PRKN: variants seen among roughly 807,000 people sequenced by gnomAD.
The protein encoded by PRKN is parkin RBR E3 ubiquitin protein ligase.
A neutral mutation model predicts 59.5 loss-of-function variants in PRKN; 56 were observed. That is an observed-to-expected ratio of 0.94 (90% confidence interval 0.76 to 1.18). The LOEUF (loss-of-function observed/expected upper bound fraction) is 1.18, where lower values mean the gene tolerates loss of function less well. PRKN is among the 50% of genes most tolerant of loss of function. The probability of loss-of-function intolerance (pLI) is 0.00; values close to 1 mark genes in which losing one functional copy is unlikely to be tolerated. For missense variants in PRKN, 657 were observed against 596.4 expected, an observed-to-expected ratio of 1.10 and a Z score of -1.06; for synonymous variants, 250 against 222.1, an observed-to-expected ratio of 1.13 and a Z score of -1.12.
intron 9 of PRKN, among the ~76,000 whole-genome samples, chr6:161,517,765 A>AAAAAG (rs1562499845): frequency 7.0e-6 from 1 of 143,820 alleles, no homozygotes; most frequent in Non-Finnish European, 1.5e-5. Context: ...AAAAAAAAAA[A>AAAAAG]GAGTTGAGGT....
At chr6:161,555,832 A>G (rs1780217253) in intron 8 of PRKN, among the ~76,000 whole-genome samples, 1 of 152,234 alleles carries the variant, frequency 6.6e-6, no homozygotes, top group Non-Finnish European at 1.5e-5. Flanking sequence ...AATAAAATCT[A>G]ACTCCATTAA....
At chr6:161,779,645 A>T (rs989188632) in intron 7 of PRKN, among the ~76,000 whole-genome samples, 1 of 151,462 alleles carries the variant, frequency 6.6e-6, no homozygotes, top group Non-Finnish European at 1.5e-5. Context: ...GGGTTTCATC[A>T]TGTTGGCCTG....
intron 1 of PRKN, among the ~76,000 whole-genome samples, chr6:162,504,069 CAG>C (rs36042317): frequency 0.045 from 6,735 of 150,692 alleles, 378 homozygotes; most frequent in African/African-American, 0.14. Flanking sequence ...AGAGAGGACA[CAG>C]AGAGAGAGAG....
At chr6:162,315,153 G>C (rs1157221650) in intron 2 of PRKN, among the ~76,000 whole-genome samples, 1 of 152,060 alleles carries the variant, frequency 6.6e-6, no homozygotes, top group Non-Finnish European at 1.5e-5. Context: ...ACAAACAAAT[G>C]AAGTGTGTAT....
At chr6:162,310,819 A>G (rs1322851097) in intron 2 of PRKN, among the ~76,000 whole-genome samples, 2 of 140,948 alleles carry the variant, frequency 1.4e-5, no homozygotes, top group East Asian at 1.9e-4. Context: ...TTTATGTACA[A>G]TTTTTAAAAA....
At chr6:162,140,339 G>C (rs1160441445) in intron 4 of PRKN, among the ~76,000 whole-genome samples, 2 of 152,122 alleles carry the variant, frequency 1.3e-5, no homozygotes, top group East Asian at 1.9e-4. Flanking sequence ...GCAAACACAC[G>C]ACTCTTTCAA....
At chr6:162,068,672 T>G (rs906410345) in intron 4 of PRKN, among the ~76,000 whole-genome samples, 3 of 152,132 alleles carry the variant, frequency 2.0e-5, no homozygotes, top group Non-Finnish European at 4.4e-5. Flanking sequence ...AAGGAGAGGG[T>G]CTGCTCCAGT....
At chr6:162,505,711 G>A (rs539548230) in intron 1 of PRKN, among the ~76,000 whole-genome samples, 1 of 152,288 alleles carries the variant, frequency 6.6e-6, no homozygotes, top group East Asian at 1.9e-4. Context: ...AGGGGTAATA[G>A]AAATAGAAGG....
At chr6:162,606,662 G>A (rs9365474) in intron 1 of PRKN, among the ~76,000 whole-genome samples, 1 of 152,276 alleles carries the variant, frequency 6.6e-6, no homozygotes, top group East Asian at 1.9e-4. Flanking sequence ...ATTTGATATT[G>A]ACATGAGGAA....
At chr6:161,441,419 C>G (rs915700344) in intron 9 of PRKN, among the ~76,000 whole-genome samples, 1 of 151,774 alleles carries the variant, frequency 6.6e-6, no homozygotes, top group African/African-American at 2.4e-5. Flanking sequence ...CCAAGGCGGG[C>G]GGATCACTTG....
At chr6:162,226,615 T>A (rs1022130565) in intron 3 of PRKN, among the ~76,000 whole-genome samples, 2 of 152,114 alleles carry the variant, frequency 1.3e-5, no homozygotes, top group East Asian at 3.9e-4. Flanking sequence ...CTTACTGCAA[T>A]CTCCGCCTCC....
intron 6 of PRKN, among the ~76,000 whole-genome samples, chr6:161,936,830 G>A (rs1779376631): frequency 6.6e-6 from 1 of 150,774 alleles, no homozygotes; most frequent in South Asian, 2.1e-4. Context: ...CTGTCACCCA[G>A]GCTGAAGTGC....
chr6:161,880,277 G>A (rs898324061), intron 6 of PRKN, among the ~76,000 whole-genome samples: 2 of 152,078 alleles, frequency 1.3e-5, no homozygotes, highest in Non-Finnish European at 2.9e-5. Flanking sequence ...TTCCATGTTC[G>A]ATAACATGTG....
chr6:162,307,400 TA>T (rs545669121), intron 2 of PRKN, among the ~76,000 whole-genome samples: 1,026 of 75,474 alleles, frequency 0.014, 9 homozygotes, highest in African/African-American at 0.042. Flanking sequence ...ACCGTCTCAA[TA>T]AAAAAAAAAA....
chr6:162,535,442 T>C (rs570796702), intron 1 of PRKN, among the ~76,000 whole-genome samples: 1 of 152,278 alleles, frequency 6.6e-6, no homozygotes, highest in African/African-American at 2.4e-5. Context: ...ACATATATAA[T>C]GACCTCATGC....
At chr6:162,197,326 G>A (rs1784534424) in intron 4 of PRKN, among the ~76,000 whole-genome samples, 2 of 152,114 alleles carry the variant, frequency 1.3e-5, no homozygotes, top group South Asian at 4.1e-4. Context: ...TACTGAATGT[G>A]TATTTTTGTT....
chr6:161,540,964 A>G (rs989591545), intron 9 of PRKN, among the ~76,000 whole-genome samples: 2 of 152,166 alleles, frequency 1.3e-5, no homozygotes, highest in African/African-American at 4.8e-5. Flanking sequence ...ATGCTGCTCT[A>G]TATTTTTGTA....
At position 161,561,616 on chromosome 6, in the gene PRKN, G is replaced by A. The variant is rs1337678151; in HGVS notation, c.933+7739C>T. On this transcript the variant is annotated intron_variant, in intron 8 of 11. Transcript: ENST00000366898. This position sits in a 1 kb window ranked among gnomAD's most constrained non-coding sequence, Gnocchi z 5.0. ...AGCCCCTCTCACAACACAAAAAGTG[G>A]CCTTCCTCCTGTTAGGGGCCGATTC... 6.6e-6 allele frequency among the ~76,000 whole-genome samples: 1 copy of A among 152,100 alleles called. No individual in the cohort carries two copies. Among genetic ancestry groups the A allele is most frequent in the Non-Finnish European group, 1.5e-5 (1 of 68,014 alleles).
At position 161,575,920 on chromosome 6, in the gene PRKN, C is replaced by T. The variant is rs191673198; in HGVS notation, c.872-6504G>A. Among the ~76,000 whole-genome samples, 28 of 152,242 alleles carry T rather than the reference C, an allele frequency of 1.8e-4. No homozygotes were observed. The highest frequency in any genetic ancestry group is 1.6e-3 in the Admixed American group (25 of 15,302). ...AAAATAAATGAAGATTCAATGTGAT[C>T]GAAGACAATGCAGCGAGACTGAACA... On this transcript the variant is annotated intron_variant, in intron 7 of 11. Transcript: ENST00000366898. This position sits in a 1 kb window ranked among gnomAD's most constrained non-coding sequence, Gnocchi z 4.6.
Sources: gnomAD v4.1 joint callset for allele counts (sites outside exome capture counted in the v4.1 genomes callset) on GRCh38, gnomAD v4.1.1 for gene constraint, Gnocchi (gnomAD v3.1) non-coding constraint, MANE v1.5 for transcripts, NCBI Gene and HGNC (gene_info 2026-07-23, HGNC 2026-07-21) for gene names.